NTM: variants seen among roughly 807,000 people sequenced by gnomAD.
NTM encodes IgLON family member 2.
In NTM, 13 loss-of-function variants were observed where a neutral mutation model predicts 42.1. The observed-to-expected ratio is 0.31, with a 90% CI of 0.20 to 0.49. The LOEUF is 0.49. Ranked by LOEUF, NTM falls within the 20% of genes least tolerant of loss-of-function variation. NTM has a pLI of 0.99. For synonymous variants in NTM, 187 were observed against 179.2 expected (o/e 1.04, Z -0.35); for missense variants, 373 against 452.8 (o/e 0.82, Z 1.60).
chr11:131,697,475 G>C (rs915097661), intron 1 of NTM, among the ~76,000 whole-genome samples: 2 of 152,140 alleles, frequency 1.3e-5, no homozygotes, highest in Admixed American at 1.3e-4. Flanking sequence ...TCACTTCTCA[G>C]CCCTCTTTCT....
intron 4 of NTM, among the ~76,000 whole-genome samples, chr11:132,274,102 T>C (rs1330663571): frequency 1.3e-5 from 2 of 152,214 alleles, no homozygotes; most frequent in Non-Finnish European, 2.9e-5. Context: ...TTTATTTTAG[T>C]AATTTTACTT....
At chr11:132,066,396 T>C (rs1289896473) in intron 2 of NTM, among the ~76,000 whole-genome samples, 1 of 152,240 alleles carries the variant, frequency 6.6e-6, no homozygotes, top group South Asian at 2.1e-4. Flanking sequence ...GGTTGATTCA[T>C]AAATTTTTAT....
intron 2 of NTM, among the ~76,000 whole-genome samples, chr11:132,044,712 A>T (rs990870768): frequency 6.6e-6 from 1 of 152,164 alleles, no homozygotes; most frequent in African/African-American, 2.4e-5. Context: ...TTTCCCGAGC[A>T]CAACTCCATG....
chr11:131,504,436 G>T (rs1432918190), intron 1 of NTM, among the ~76,000 whole-genome samples: 1 of 152,184 alleles, frequency 6.6e-6, no homozygotes, highest in East Asian at 1.9e-4. Context: ...ACCCCTTGGG[G>T]CTTGGCAGGA....
intron 2 of NTM, among the ~76,000 whole-genome samples, chr11:132,096,541 C>T (rs1331285393): frequency 6.6e-6 from 1 of 152,146 alleles, no homozygotes; most frequent in African/African-American, 2.4e-5. Flanking sequence ...ATAATATTCG[C>T]CTAATGATCT....
intron 2 of NTM, among the ~76,000 whole-genome samples, chr11:132,102,780 G>A (rs1326615461): frequency 6.6e-6 from 1 of 152,110 alleles, no homozygotes; most frequent in African/African-American, 2.4e-5. Flanking sequence ...TGCATTTCTG[G>A]GAGTGCCCCA....
chr11:131,958,331 G>T (rs982607496), intron 2 of NTM, among the ~76,000 whole-genome samples: 1 of 152,096 alleles, frequency 6.6e-6, no homozygotes, highest in Non-Finnish European at 1.5e-5. Context: ...ACTCTCAGGG[G>T]TTGTGGGAGA....
intron 1 of NTM, among the ~76,000 whole-genome samples, chr11:131,590,783 T>A (rs1031150535): frequency 5.3e-5 from 8 of 152,324 alleles, no homozygotes; most frequent in South Asian, 2.1e-4. Context: ...ATGGGACTTG[T>A]CCAAGCTGTA....
At chr11:132,180,271 T>A (rs1260653901) in intron 3 of NTM, among the ~76,000 whole-genome samples, 1 of 152,082 alleles carries the variant, frequency 6.6e-6, no homozygotes, top group Non-Finnish European at 1.5e-5. Flanking sequence ...ATGTTGGAGA[T>A]GATTAGTGAA....
At chr11:131,557,456 C>T (rs537180564) in intron 1 of NTM, among the ~76,000 whole-genome samples, 2 of 152,170 alleles carry the variant, frequency 1.3e-5, no homozygotes, top group Non-Finnish European at 2.9e-5. Context: ...TAAATCCTTT[C>T]CTCATCATGA....
rs1450766964 is a variant in NTM, at chr11:131,508,437, G to A, written c.82+137549G>A. On this transcript the variant is annotated intron_variant, in intron 1 of 8. Coordinates refer to ENST00000683400, the MANE Select transcript of NTM (RefSeq NM_001352005.2). ...TAGGAACACTTTTACACTGTTGGTG[G>A]GACTGTAAACTAGTTCAACCATTGT... Among the ~76,000 whole-genome samples, 33 of 148,652 alleles carry A rather than the reference G, an allele frequency of 2.2e-4. No homozygotes were observed. The South Asian group carries it at 6.6e-3, about 30-fold the overall frequency.
intron 1 of NTM, among the ~76,000 whole-genome samples, chr11:131,732,016 C>T (rs182167650): frequency 6.6e-6 from 1 of 152,144 alleles, no homozygotes; most frequent in African/African-American, 2.4e-5. Context: ...CTATCTCTGG[C>T]ACTTTTTAAC....
intron 1 of NTM, among the ~76,000 whole-genome samples, chr11:131,733,099 T>C (rs1321802215): frequency 6.6e-6 from 1 of 152,206 alleles, no homozygotes; most frequent in Non-Finnish European, 1.5e-5. Flanking sequence ...TTGTAAATAG[T>C]AGTGTTGTTC....
At chr11:132,296,102 A>C (rs3133896) in intron 4 of NTM, among the ~76,000 whole-genome samples, 27,553 of 151,998 alleles carry the variant, frequency 0.18, 2,920 homozygotes, top group Middle Eastern at 0.29. Flanking sequence ...TGCTGCCAAG[A>C]GAGATCAGAT....
intron 1 of NTM, among the ~76,000 whole-genome samples, chr11:131,819,270 G>A (rs890997764): frequency 3.3e-5 from 5 of 152,148 alleles, no homozygotes; most frequent in Non-Finnish European, 7.3e-5. Context: ...AGGGACCCGA[G>A]GGAGCATGCC....
At chr11:131,791,948 G>C (rs575077618) in intron 1 of NTM, among the ~76,000 whole-genome samples, 2 of 152,258 alleles carry the variant, frequency 1.3e-5, no homozygotes, top group African/African-American at 2.4e-5. Flanking sequence ...TTTGTCATAA[G>C]CCTAAGGTTA....
chr11:131,788,899 G>GAT (rs1361108762), intron 1 of NTM, among the ~76,000 whole-genome samples: 3 of 152,296 alleles, frequency 2.0e-5, no homozygotes, highest in East Asian at 3.9e-4. Context: ...TGGGAAGGAA[G>GAT]ATAGGCGCTT....
intron 7 of NTM, among the ~76,000 whole-genome samples, chr11:132,320,293 C>T (rs1176786375): frequency 6.6e-6 from 1 of 152,182 alleles, no homozygotes; most frequent in African/African-American, 2.4e-5. Context: ...GAGTGCCAGA[C>T]AGTGGGTGCA....
chr11:131,502,913 A>G (rs2047016236), intron 1 of NTM: 2 of 152,218 alleles, frequency 1.3e-5, no homozygotes, highest in African/African-American at 4.8e-5. Flanking sequence ...CATCATATCC[A>G]TGGCGAGATG....
Sources: allele counts gnomAD v4.1 joint callset (sites outside exome capture counted in the v4.1 genomes callset), GRCh38; gene constraint gnomAD v4.1.1; transcripts MANE v1.5; gene names NCBI Gene and HGNC (gene_info 2026-07-23, HGNC 2026-07-21).